EYS: variants seen among roughly 807,000 people sequenced by gnomAD.
The protein encoded by EYS is EGF-like photoreceptor maintenance factor.
EYS carries 250 observed loss-of-function variants against 282.1 expected under a neutral mutation model. The observed-to-expected ratio is 0.89, with a 90% CI of 0.80 to 0.98. The LOEUF (loss-of-function observed/expected upper bound fraction) is 0.98, where lower values mean the gene tolerates loss of function less well. EYS is among the 50% of genes least tolerant of loss of function. The probability of loss-of-function intolerance (pLI) is 0.00; values close to 1 mark genes in which losing one functional copy is unlikely to be tolerated. For synonymous variants in EYS, 1,355 were observed against 1,282.9 expected (o/e 1.06, Z -1.20); for missense variants, 4,016 against 3,709.0 (o/e 1.08, Z -2.15).
chr6:65,577,358 C>T (rs1764709523), intron 2 of EYS, among the ~76,000 whole-genome samples: 1 of 151,756 alleles, frequency 6.6e-6, no homozygotes, highest in Non-Finnish European at 1.5e-5. Context: ...AAAAATGGCA[C>T]TGAGAAAACT....
intron 14 of EYS, among the ~76,000 whole-genome samples, chr6:64,996,490 G>T (rs1461162649): frequency 6.6e-6 from 1 of 152,122 alleles, no homozygotes; most frequent in Admixed American, 6.5e-5. Flanking sequence ...TCAGAGACCA[G>T]CATAGTGTCA....
intron 1 of EYS, among the ~76,000 whole-genome samples, chr6:65,697,581 C>G (rs527759478): frequency 6.6e-6 from 1 of 152,018 alleles, no homozygotes; most frequent in South Asian, 2.1e-4. Flanking sequence ...CTGACAGAAG[C>G]ATTCTTTTCA....
intron 26 of EYS, among the ~76,000 whole-genome samples, chr6:64,474,436 ATAAAGAT>A (rs1225904054): frequency 5.9e-5 from 9 of 152,316 alleles, no homozygotes; most frequent in African/African-American, 2.2e-4. Flanking sequence ...TTCTTTGTTC[ATAAAGAT>A]TATTGCTTAG....
chr6:64,748,649 A>G (rs1354517181), intron 22 of EYS, among the ~76,000 whole-genome samples: 1 of 152,268 alleles, frequency 6.6e-6, no homozygotes, highest in Non-Finnish European at 1.5e-5. Flanking sequence ...TTGAGAAAAC[A>G]CAGTGGAATC....
chr6:65,459,198 G>T (rs748485935), intron 5 of EYS, among the ~76,000 whole-genome samples: 1 of 151,974 alleles, frequency 6.6e-6, no homozygotes, highest in African/African-American at 2.4e-5. Context: ...GGTTTGAAAG[G>T]CCAGCTGTAA....
chr6:65,578,901 T>G (rs2127358803), intron 2 of EYS, among the ~76,000 whole-genome samples: 1 of 152,248 alleles, frequency 6.6e-6, no homozygotes, highest in South Asian at 2.1e-4. Context: ...GCACAAAGAT[T>G]ACAACGTACC....
chr6:64,339,849 G>T (rs533531067), intron 29 of EYS, among the ~76,000 whole-genome samples: 4 of 151,840 alleles, frequency 2.6e-5, no homozygotes, highest in African/African-American at 9.6e-5. Flanking sequence ...GCTAAACTGT[G>T]AGGACACAAA....
At chr6:64,564,930 G>A (rs1765517740) in intron 26 of EYS, among the ~76,000 whole-genome samples, 1 of 152,144 alleles carries the variant, frequency 6.6e-6, no homozygotes, top group African/African-American at 2.4e-5. Flanking sequence ...CCTGATTTTA[G>A]TATGTTGAAC....
chr6:64,782,130 A>G (rs12660445), intron 22 of EYS, among the ~76,000 whole-genome samples: 14,456 of 152,226 alleles, frequency 0.095, 883 homozygotes, highest in East Asian at 0.26. Context: ...TGGTATTCAT[A>G]AGTTATTGGC....
Position 65,477,943 on chromosome 6 carries a change from T to C in EYS, c.862+12651A>G, listed in dbSNP as rs573250018. Among the ~76,000 whole-genome samples the C allele has an allele frequency of 2.6e-5, 4 of 152,298 alleles. No individual in the cohort carries two copies. The South Asian group carries it at 8.3e-4, about 32-fold the overall frequency. On this transcript the variant is annotated intron_variant, in intron 5 of 42. Transcript: ENST00000503581. ...ATTGTGTCATACCTATTTTCAAATATGTCTGTCAGAAGAGAATGATAATAC... is the reference window on the plus strand; with the variant it reads ...ATTGTGTCATACCTATTTTCAAATACGTCTGTCAGAAGAGAATGATAATAC...
chr6:64,837,035 A>G (rs534640507), intron 19 of EYS, among the ~76,000 whole-genome samples: 25 of 151,846 alleles, frequency 1.6e-4, no homozygotes, highest in African/African-American at 4.8e-4. Flanking sequence ...CTGTTACTAA[A>G]TAAGAATTCA....
intron 36 of EYS, among the ~76,000 whole-genome samples, chr6:63,823,299 G>A (rs1331067243): frequency 2.0e-5 from 3 of 152,074 alleles, no homozygotes; most frequent in East Asian, 3.8e-4. Flanking sequence ...CTGTGGTCTG[G>A]AATAAGTAAC....
At chr6:64,980,320 C>T (rs1770612509) in intron 14 of EYS, among the ~76,000 whole-genome samples, 1 of 151,502 alleles carries the variant, frequency 6.6e-6, no homozygotes, top group Non-Finnish European at 1.5e-5. Context: ...CAAGTTAAAT[C>T]TAGGTCATCA....
Position 64,902,497 on chromosome 6 carries a change from A to G in EYS, c.2645T>C (p.Phe882Ser), listed in dbSNP as rs773607543. ...ATCAATTTCACAGTTTTTACCTTCA[A>G]ATTCTGCAAAGAGTATGAGATGAGT... is the stretch of plus-strand genomic sequence containing the variant. ...ANQHCICREE[F>S]EGKNCEIDVK... is the part of the protein sequence containing the mutation. Residue 882 changes from phenylalanine to serine, a missense_variant, in exon 17 of 43, where the codon TTT (phenylalanine) becomes TCT (serine). Phe to Ser is a radical substitution (Grantham distance 155, BLOSUM62 -2). Transcript: ENST00000503581. 13 of 1,526,182 alleles carry G rather than the reference A, an allele frequency of 8.5e-6. No individual in the cohort carries two copies. The South Asian group carries it at 1.6e-4, about 19-fold the overall frequency. 94.5% of individuals were successfully genotyped at this position (1,526,182 alleles called of 1,614,324 possible).
rs192459048 is a variant in EYS at position 64,007,556 on chromosome 6, T to A, written c.6726-8373A>T. Among the ~76,000 whole-genome samples, 146 of 152,280 alleles carry A rather than the reference T, an allele frequency of 9.6e-4. No homozygotes were observed. In the Middle Eastern group the frequency reaches 0.014, roughly 14 times the overall value. On this transcript the variant is annotated intron_variant, in intron 33 of 42. Transcript: ENST00000503581. ...AGCTTTGTGGTTGGTTTGCTCTTAT[T>A]TCTCCAGTTCCTCTAGATGTGGTGT...
At chr6:65,458,420 C>G (rs930066124) in intron 5 of EYS, among the ~76,000 whole-genome samples, 2 of 152,060 alleles carry the variant, frequency 1.3e-5, no homozygotes, top group Non-Finnish European at 2.9e-5. Flanking sequence ...TACTTGTTCC[C>G]AGCCTAACCT....
chr6:64,237,583 C>T (rs1411224521), intron 30 of EYS, among the ~76,000 whole-genome samples: 1 of 152,106 alleles, frequency 6.6e-6, no homozygotes, highest in Non-Finnish European at 1.5e-5. Context: ...GTGTGGCTAA[C>T]AGGAATAAAT....
chr6:64,449,566 A>G (rs375733590), intron 26 of EYS, among the ~76,000 whole-genome samples: 2 of 152,192 alleles, frequency 1.3e-5, no homozygotes, highest in East Asian at 3.9e-4. Context: ...AGATTCACCA[A>G]AGTTGAAATG....
chr6:64,384,092 A>G (rs948273630), intron 29 of EYS, among the ~76,000 whole-genome samples: 1 of 152,140 alleles, frequency 6.6e-6, no homozygotes, highest in African/African-American at 2.4e-5. Flanking sequence ...TAGACATTTC[A>G]TAGTAATTTA....
Sources: allele counts gnomAD v4.1 joint callset (sites outside exome capture counted in the v4.1 genomes callset), GRCh38; gene constraint gnomAD v4.1.1; transcripts MANE v1.5; gene names NCBI Gene and HGNC (gene_info 2026-07-23, HGNC 2026-07-21).